METAP1: variants seen among roughly 807,000 people sequenced by gnomAD.
The protein encoded by METAP1 is methionyl aminopeptidase 1, also known as methionine aminopeptidase 1.
Under a neutral mutation model 53.8 loss-of-function variants are expected in METAP1, and 28 were observed. The ratio of observed to expected loss-of-function variants is 0.52; its 90% confidence interval spans 0.39 to 0.71. METAP1 has a LOEUF of 0.71. Among genes scored for constraint, METAP1 ranks in the 30% least tolerant of loss-of-function variants. The pLI, the probability that METAP1 is intolerant of heterozygous loss-of-function variation, is 0.00. For synonymous variants in METAP1, 181 were observed against 165.7 expected, an observed-to-expected ratio of 1.09 and a Z score of -0.71; for missense variants, 389 against 479.8, an observed-to-expected ratio of 0.81 and a Z score of 1.77.
At chr4:99,056,529 GTTGT>G (rs1447790967) in intron 9 of METAP1, among the ~76,000 whole-genome samples, 3 of 151,860 alleles carry the variant, frequency 2.0e-5, no homozygotes, top group Admixed American at 6.6e-5. Context: ...GGTCTCCTTA[GTTGT>G]TTGTTTTTTG....
intron 1 of METAP1, among the ~76,000 whole-genome samples, chr4:99,012,418 G>A (rs991968325): frequency 9.9e-5 from 15 of 151,644 alleles, no homozygotes; most frequent in Non-Finnish European, 1.8e-4. Context: ...TGACTTACAG[G>A]TGCCTGCCAC....
chr4:99,041,788 CCT>C (rs1033729406), intron 6 of METAP1, among the ~76,000 whole-genome samples: 1 of 151,448 alleles, frequency 6.6e-6, no homozygotes, highest in African/African-American at 2.4e-5. Context: ...TGAAACTGGT[CCT>C]CTCTTCTGCT....
At chr4:99,017,393 C>T (rs1723829609) in intron 1 of METAP1, among the ~76,000 whole-genome samples, 1 of 152,228 alleles carries the variant, frequency 6.6e-6, no homozygotes, top group South Asian at 2.1e-4. Flanking sequence ...CAGGTAATTG[C>T]CCCGATTCAG....
intron 1 of METAP1, among the ~76,000 whole-genome samples, chr4:99,020,556 C>A (rs182821512): frequency 6.6e-6 from 1 of 151,966 alleles, no homozygotes; most frequent in African/African-American, 2.4e-5. Context: ...GAGGAGGAGG[C>A]GGGACTAGAA....
intron 1 of METAP1, among the ~76,000 whole-genome samples, chr4:99,004,190 C>G (rs970034670): frequency 5.9e-5 from 9 of 152,130 alleles, no homozygotes; most frequent in African/African-American, 1.7e-4. Flanking sequence ...TTTGGAAACT[C>G]TCTGAACCCA....
intron 1 of METAP1, among the ~76,000 whole-genome samples, chr4:99,016,723 G>C (rs1047964718): frequency 6.6e-6 from 1 of 152,208 alleles, no homozygotes; most frequent in Non-Finnish European, 1.5e-5. Context: ...CTTCATCCTA[G>C]AGGTAGTTTC....
intron 1 of METAP1, chr4:99,023,779 T>TA (rs1363558168): frequency 1.0e-6 from 1 of 985,174 alleles, no homozygotes; most frequent in East Asian, 1.1e-4. Flanking sequence ...GTTAATTTGA[T>TA]AGATACTAAA....
intron 1 of METAP1, among the ~76,000 whole-genome samples, chr4:99,019,883 G>T (rs1417332456): frequency 2.0e-5 from 3 of 152,134 alleles, no homozygotes; most frequent in Non-Finnish European, 4.4e-5. Context: ...TGCTCCCTTA[G>T]TCTAAAAAGT....
intron 10 of METAP1, among the ~76,000 whole-genome samples, chr4:99,059,107 G>A (rs1417656787): frequency 6.6e-6 from 1 of 152,230 alleles, no homozygotes. Context: ...GAGCCATGAT[G>A]TAGTGTTTTC....
chr4:99,051,379 C>T (rs535348880), intron 9 of METAP1, among the ~76,000 whole-genome samples: 27 of 152,102 alleles, frequency 1.8e-4, no homozygotes, highest in Non-Finnish European at 3.5e-4. Flanking sequence ...AACAAAGACC[C>T]AGGTGTACTT....
intron 1 of METAP1, chr4:99,026,929 C>T (rs1724603524): frequency 3.7e-6 from 3 of 809,928 alleles, no homozygotes; most frequent in South Asian, 5.6e-5. Context: ...AAATACAAGC[C>T]CTTAGCTAAT....
chr4:99,021,146 A>T (rs1176513755), intron 1 of METAP1, among the ~76,000 whole-genome samples: 1 of 152,036 alleles, frequency 6.6e-6, no homozygotes, highest in African/African-American at 2.4e-5. Context: ...TTCCCTGGAG[A>T]TAACTTTCTC....
chr4:99,034,402 C>T (rs1030749268), intron 3 of METAP1, 60 bp downstream of exon 3: 14 of 992,710 alleles, frequency 1.4e-5, no homozygotes, highest in African/African-American at 6.5e-5. Flanking sequence ...AAATGATACT[C>T]GTAATTTGTT....
intron 6 of METAP1, among the ~76,000 whole-genome samples, chr4:99,042,607 G>C (rs897710067): frequency 6.6e-6 from 1 of 152,022 alleles, no homozygotes; most frequent in Non-Finnish European, 1.5e-5. Flanking sequence ...AGTCATTTTT[G>C]GGGCATAGTG....
intron 8 of METAP1, among the ~76,000 whole-genome samples, chr4:99,048,327 A>G (rs1490933282): frequency 1.3e-5 from 2 of 152,162 alleles, no homozygotes; most frequent in African/African-American, 2.4e-5. Flanking sequence ...ATGGATGCAT[A>G]AAAGTGTTTC....
chr4:99,057,857 T>G (rs769995894), intron 10 of METAP1, 39 bp downstream of exon 10: 3 of 1,519,772 alleles, frequency 2.0e-6, no homozygotes, highest in Admixed American at 2.0e-5. Context: ...TCAATTGAAT[T>G]TATATGTATT....
At chr4:99,048,673 A>G (rs1726454599) in intron 8 of METAP1, 60 bp from the exon 9 acceptor site, 2 of 1,539,292 alleles carry the variant, frequency 1.3e-6, no homozygotes, top group Admixed American at 3.4e-5. Context: ...TCTGGTTGAT[A>G]GTAATTGCTT....
chr4:99,035,504 TTGA>T, intron 4 of METAP1, 44 bp downstream of exon 4: 1 of 1,395,854 alleles, frequency 7.2e-7, no homozygotes, highest in Non-Finnish European at 9.9e-7. Context: ...ATTTGTGGGC[TTGA>T]TGACTACTGC....
At position 99,048,780 on chromosome 4, in the gene METAP1, C is replaced by T; in HGVS notation, c.835C>T (p.His279Tyr). ...YRELGNIIQK[H>Y]AQANGFSVVR... ...AGAATTGGGAAACATTATCCAGAAG[C>T]ATGCCCAAGCAAATGGGTTTTCAGT... The change falls in exon 9 of 11, where the codon CAT becomes TAT. Residue 279 changes from histidine (H) to tyrosine (Y), a missense_variant. Physicochemically the swap from His to Tyr is moderately conservative, Grantham distance 83 (BLOSUM62 2). Coordinates refer to ENST00000296411, the MANE Select transcript of METAP1 (RefSeq NM_015143.3). The T allele has an allele frequency of 1.2e-6, 2 of 1,613,990 alleles. No homozygotes were observed. The highest frequency in any genetic ancestry group is 1.7e-6 in the Non-Finnish European group (2 of 1,179,852).
Sources: gnomAD v4.1 joint callset for allele counts (sites outside exome capture counted in the v4.1 genomes callset) on GRCh38, gnomAD v4.1.1 for gene constraint, MANE v1.5 for transcripts, NCBI Gene and HGNC (gene_info 2026-07-23, HGNC 2026-07-21) for gene names.